Variants in NCAM2 observed in about 807,000 individuals in gnomAD.
NCAM2 encodes the protein neural cell adhesion molecule 2.
NCAM2 carries 30 observed loss-of-function variants against 98.1 expected under a neutral mutation model. The observed-to-expected ratio is 0.31, with a 90% confidence interval of 0.23 to 0.41. The LOEUF (loss-of-function observed/expected upper bound fraction) is 0.41, where lower values mean the gene tolerates loss of function less well. Among genes scored for constraint, NCAM2 ranks in the 10% least tolerant of loss-of-function variants. The pLI is 1.00. For missense variants in NCAM2, 867 were observed against 1,005.8 expected (o/e 0.86, Z 1.87); for synonymous variants, 368 against 342.4 (o/e 1.07, Z -0.83).
At chr21:21,148,296 T>C (rs1294976409) in intron 1 of NCAM2, among the ~76,000 whole-genome samples, 1 of 152,204 alleles carries the variant, frequency 6.6e-6, no homozygotes, top group African/African-American at 2.4e-5. Context: ...TTTGACCTCA[T>C]AAATGAAGGC....
At chr21:21,185,255 A>C (rs2068602329) in intron 1 of NCAM2, among the ~76,000 whole-genome samples, 1 of 152,222 alleles carries the variant, frequency 6.6e-6, no homozygotes, top group Middle Eastern at 3.4e-3. Context: ...ACGTTCATCC[A>C]TATGTTGTAG....
intron 1 of NCAM2, among the ~76,000 whole-genome samples, chr21:21,094,568 A>G (rs2066079142): frequency 1.3e-5 from 2 of 151,776 alleles, no homozygotes; most frequent in Admixed American, 1.3e-4. Flanking sequence ...TGCATGTGTA[A>G]TTCAATAAAT....
At chr21:21,025,405 C>G (rs1468995756) in intron 1 of NCAM2, among the ~76,000 whole-genome samples, 1 of 152,128 alleles carries the variant, frequency 6.6e-6, no homozygotes, top group African/African-American at 2.4e-5. Context: ...GATGTTCTAT[C>G]TCCCCAGGAC....
intron 1 of NCAM2, among the ~76,000 whole-genome samples, chr21:21,157,050 G>GT (rs2067636680): frequency 7.6e-6 from 1 of 130,804 alleles, no homozygotes; most frequent in Non-Finnish European, 1.9e-5. Flanking sequence ...TATTCCTACA[G>GT]ATTTTTTTTT....
At chr21:21,215,212 G>A (rs896466132) in intron 1 of NCAM2, among the ~76,000 whole-genome samples, 1 of 152,060 alleles carries the variant, frequency 6.6e-6, no homozygotes, top group Non-Finnish European at 1.5e-5. Context: ...GTATATGCAT[G>A]TGCTTATCAT....
intron 1 of NCAM2, among the ~76,000 whole-genome samples, chr21:21,160,797 C>T (rs190018440): frequency 3.3e-5 from 5 of 151,980 alleles, no homozygotes; most frequent in African/African-American, 1.2e-4. Context: ...TCATATACAC[C>T]ATGAAATGTG....
intron 1 of NCAM2, among the ~76,000 whole-genome samples, chr21:21,058,096 A>G (rs1191110701): frequency 1.3e-5 from 2 of 149,286 alleles, no homozygotes; most frequent in Non-Finnish European, 3.0e-5. Context: ...TGAATTGATT[A>G]TATATAATGA....
chr21:21,395,388 T>A (rs2076481283), intron 9 of NCAM2, among the ~76,000 whole-genome samples: 1 of 151,982 alleles, frequency 6.6e-6, no homozygotes, highest in Non-Finnish European at 1.5e-5. Context: ...AGATAGAACA[T>A]ACATGGGTAC....
At chr21:21,381,289 CA>C (rs764175536) in intron 9 of NCAM2, among the ~76,000 whole-genome samples, 111 of 152,282 alleles carry the variant, frequency 7.3e-4, no homozygotes, top group African/African-American at 2.4e-3. Flanking sequence ...AGACTTTGCC[CA>C]TGGGCTATAA....
intron 1 of NCAM2, among the ~76,000 whole-genome samples, chr21:21,134,675 A>G (rs964295125): frequency 6.8e-6 from 1 of 147,944 alleles, no homozygotes; most frequent in African/African-American, 2.5e-5. Context: ...TTTTCATTTC[A>G]CTTACTTCCA....
intron 9 of NCAM2, among the ~76,000 whole-genome samples, chr21:21,377,623 T>G (rs1243505981): frequency 6.6e-6 from 1 of 151,938 alleles, no homozygotes; most frequent in South Asian, 2.1e-4. Context: ...ATTTTTGTTA[T>G]ATGTATATAG....
At chr21:21,257,149 A>G (rs2071705320) in intron 1 of NCAM2, among the ~76,000 whole-genome samples, 1 of 152,214 alleles carries the variant, frequency 6.6e-6, no homozygotes, top group Non-Finnish European at 1.5e-5. Context: ...ACAAGTCATA[A>G]AGAAGAAACC....
intron 8 of NCAM2, among the ~76,000 whole-genome samples, chr21:21,358,863 A>T (rs1403718389): frequency 6.6e-6 from 1 of 152,018 alleles, no homozygotes; most frequent in Admixed American, 6.6e-5. Flanking sequence ...TTTTTAATTC[A>T]TATAAATTTG....
intron 12 of NCAM2, among the ~76,000 whole-genome samples, chr21:21,438,785 A>G (rs1978785291): frequency 6.6e-6 from 1 of 152,118 alleles, no homozygotes; most frequent in African/African-American, 2.4e-5. Context: ...GACAATATCA[A>G]TATTTTAAAA....
chr21:21,053,445 C>G (rs1399474132), intron 1 of NCAM2, among the ~76,000 whole-genome samples: 1 of 151,760 alleles, frequency 6.6e-6, no homozygotes, highest in Non-Finnish European at 1.5e-5. Context: ...ACCATTTTAA[C>G]TAGTTTAATT....
At chr21:21,454,885 G>T (rs1405148436) in intron 12 of NCAM2, among the ~76,000 whole-genome samples, 1 of 151,848 alleles carries the variant, frequency 6.6e-6, no homozygotes. Flanking sequence ...ATATATAACA[G>T]AAACAGGTTG....
chr21:21,002,343 G>A (rs768065329), intron 1 of NCAM2, among the ~76,000 whole-genome samples: 8 of 152,076 alleles, frequency 5.3e-5, no homozygotes, highest in Non-Finnish European at 1.0e-4. Flanking sequence ...TGTCCTACTA[G>A]AGAAGCAATT....
intron 1 of NCAM2, among the ~76,000 whole-genome samples, chr21:21,252,165 A>G (rs1037075076): frequency 6.6e-6 from 1 of 152,062 alleles, no homozygotes; most frequent in Non-Finnish European, 1.5e-5. Context: ...ATCTCATGCC[A>G]GTTAGAATGG....
At chr21:21,225,603 A>G (rs2070351430) in intron 1 of NCAM2, among the ~76,000 whole-genome samples, 1 of 152,104 alleles carries the variant, frequency 6.6e-6, no homozygotes, top group African/African-American at 2.4e-5. Flanking sequence ...TTTTATCACT[A>G]GTACTAGATA....
Sources: gnomAD v4.1 joint callset for allele counts (sites outside exome capture counted in the v4.1 genomes callset) on GRCh38, gnomAD v4.1.1 for gene constraint, MANE v1.5 for transcripts, NCBI Gene and HGNC (gene_info 2026-07-23, HGNC 2026-07-21) for gene names.